Variants in UBR4 observed in about 807,000 individuals in gnomAD.
UBR4 encodes ubiquitin protein ligase E3 component n-recognin 4, also known as E3 ubiquitin-protein ligase UBR4.
UBR4 carries 124 observed loss-of-function variants against 575.6 expected under a neutral mutation model. That is an observed-to-expected ratio of 0.22 (90% CI 0.19 to 0.25). The LOEUF (loss-of-function observed/expected upper bound fraction) is 0.25, where lower values mean the gene tolerates loss of function less well. UBR4 is among the 10% of genes least tolerant of loss of function. UBR4 has a pLI of 1.00. For missense variants in UBR4, 4,818 were observed against 6,478.8 expected (o/e 0.74, Z 8.80); for synonymous variants, 2,455 against 2,473.7 (o/e 0.99, Z 0.22).
chr1:19,104,900 A>G, intron 85 of UBR4, 148 bp downstream of exon 85: 1 of 1,322,516 alleles, frequency 7.6e-7, no homozygotes, highest in Non-Finnish European at 1.0e-6. Flanking sequence ...CATAATAAAT[A>G]CAATGAAGTC....
In UBR4 at chr1:19,145,836, T is replaced by C. The variant is rs139594682; in HGVS notation, c.7902A>G (p.Ala2634=). 3.7e-6 allele frequency: 6 copies of C among 1,614,114 alleles called. No homozygotes were observed. In the African/African-American group the frequency reaches 8.0e-5, roughly 22 times the overall value. ...CCAAGAAGGCATTCTTGGGTTTGGA[T>C]GCATGGAGTTTCCAGAAGTGGTTCA... ...QLVNHFWKLH[A]SKPKNAFLAP... is the part of the protein sequence containing the mutation. Residue 2634 remains alanine (A), a synonymous_variant, in exon 53 of 106, where the codon GCA becomes GCG. Transcript: ENST00000375254.
rs1332988009 is a variant in UBR4, at chr1:19,117,839, G to A, written c.10613C>T (p.Pro3538Leu). The A allele has an allele frequency of 1.1e-5, 18 of 1,614,020 alleles. No homozygotes were observed. The highest frequency in any genetic ancestry group is 1.5e-5 in the Non-Finnish European group (18 of 1,180,016). The change falls in exon 72 of 106, where the codon CCG (proline) becomes CTG (leucine). Residue 3538 changes from proline (P) to leucine (L), a missense_variant. Pro to Leu is a moderately conservative substitution (Grantham distance 98). This residue lies in a region of UBR4 where 550 missense variants were observed against 791.5 expected (regional missense o/e 0.69). Coordinates refer to ENST00000375254, the MANE Select transcript of UBR4 (RefSeq NM_020765.3). This position sits in a 1 kb window ranked among gnomAD's most constrained non-coding sequence, Gnocchi z 4.0. ...GTTACTTACACAGAACGGTACTTCC[G>A]GGTTATTACACACCAGGCAGGGATC... ...ESDPCLVCNN[P>L]EVPFCYIKLS...
At chr1:19,107,179 C>T (rs1447257326) in intron 81 of UBR4, among the ~76,000 whole-genome samples, 6 of 152,174 alleles carry the variant, frequency 3.9e-5, no homozygotes, top group African/African-American at 1.4e-4. Context: ...CTTAAGGTCA[C>T]TCATTTTTAT....
In UBR4 at chr1:19,164,924, C is replaced by T; in HGVS notation, c.4386G>A (p.Val1462=). The T allele has an allele frequency of 6.2e-7, 1 of 1,614,070 alleles. No homozygotes were observed. Among genetic ancestry groups the T allele is most frequent in the Non-Finnish European group, 8.5e-7 (1 of 1,180,022 alleles). ...SLAQLACVEP[V]RLQAWLTRMT... ...TGCGGGTGAGCCAGGCCTGCAGGCGCACAGGTTCCACACAGGCCAGTTGTG... is the reference window on the plus strand; with the variant it reads ...TGCGGGTGAGCCAGGCCTGCAGGCGTACAGGTTCCACACAGGCCAGTTGTG... Residue 1462 remains valine, a synonymous_variant, in exon 32 of 106, where the codon GTG becomes GTA. Coordinates refer to ENST00000375254, the MANE Select transcript of UBR4 (RefSeq NM_020765.3).
chr1:19,097,122 C>A, intron 91 of UBR4, 71 bp downstream of exon 91: 1 of 1,307,112 alleles, frequency 7.7e-7, no homozygotes, highest in Non-Finnish European at 1.0e-6. Flanking sequence ...CTGAGAATGC[C>A]CCTAAGTCCT....
intron 25 of UBR4, among the ~76,000 whole-genome samples, chr1:19,172,512 A>G (rs962556523): frequency 5.9e-5 from 9 of 152,178 alleles, no homozygotes; most frequent in African/African-American, 2.2e-4. Flanking sequence ...GCGAGATGCC[A>G]TCTCAGAAAA....
At chr1:19,114,732 A>T (rs2080295514) in intron 75 of UBR4, 79 bp downstream of exon 75, 1 of 1,537,430 alleles carries the variant, frequency 6.5e-7, no homozygotes, top group Non-Finnish European at 8.8e-7. Context: ...TAGAAAGTAA[A>T]GTGCACTGCA....
intron 41 of UBR4, 74 bp from the exon 42 acceptor site, chr1:19,156,497 C>T (rs2086470417): frequency 3.2e-6 from 5 of 1,539,794 alleles, no homozygotes; most frequent in African/African-American, 1.4e-5. Flanking sequence ...AGAGTAATGA[C>T]GTTCCCTTTT....
chr1:19,148,108 G>A lies in UBR4; in HGVS notation c.7514C>T (p.Ala2505Val), dbSNP rs1462171292. ...IIEKERNKNAAQELATLLLSL... is the reference protein window; with the variant it reads ...IIEKERNKNAVQELATLLLSL... ...CAACAGCAAAGTGGCCAGCTCCTGA[G>A]CAGCATTCTTGTTTCTCTCCTAAGG... The change falls in exon 51 of 106, where the codon GCT becomes GTT. Residue 2505 changes from alanine to valine, a missense_variant. Ala to Val is a moderately conservative substitution (Grantham distance 64, BLOSUM62 0). This residue lies in a region of UBR4 where 340 missense variants were observed against 375.4 expected (regional missense o/e 0.91). Coordinates refer to ENST00000375254, the MANE Select transcript of UBR4 (RefSeq NM_020765.3). 1 of 1,608,686 alleles carries A rather than the reference G, an allele frequency of 6.2e-7. No individual in the cohort carries two copies. Among genetic ancestry groups the A allele is most frequent in the Non-Finnish European group, 8.5e-7 (1 of 1,179,414 alleles).
In UBR4 at chr1:19,163,781, T is replaced by C; in HGVS notation, c.4747A>G (p.Asn1583Asp). ...TTTCTTACCTTTCCATGCATTACAT[T>C]GGCATTCAGTTTTTCAACTACATTC... ...QKNVVEKLNA[N>D]VMHGKHVMIL... The change falls in exon 34 of 106, where the codon AAT (asparagine) becomes GAT (aspartate). Residue 1583 changes from asparagine to aspartate, a missense_variant. Around this residue, in one of 29 missense-constraint regions of UBR4, gnomAD observed 1,172 missense variants for 1,259.7 expected, o/e 0.93. Coordinates refer to ENST00000375254, the MANE Select transcript of UBR4 (RefSeq NM_020765.3). 6.2e-7 allele frequency: 1 copy of C among 1,614,180 alleles called. No homozygotes were observed.
In UBR4 at chr1:19,154,935, G is replaced by C; in HGVS notation, c.6441C>G (p.Phe2147Leu). The C allele has an allele frequency of 6.2e-7, 1 of 1,614,210 alleles. No homozygotes were observed. Among genetic ancestry groups the C allele is most frequent in the Non-Finnish European group, 8.5e-7 (1 of 1,180,022 alleles). Residue 2147 changes from phenylalanine to leucine, a missense_variant, in exon 44 of 106, where the codon TTC (phenylalanine) becomes TTG (leucine). Physicochemically the swap from Phe to Leu is conservative, Grantham distance 22. Around this residue, in one of 29 missense-constraint regions of UBR4, gnomAD observed 461 missense variants for 606.9 expected, o/e 0.76. Coordinates refer to ENST00000375254, the MANE Select transcript of UBR4 (RefSeq NM_020765.3). ...ATTCCCACCTTTTGATGTTGATGGG[G>C]AAGAGTTGCAACACCTCCAGGGTTG... ...SRTTLEVLQL[F>L]PINIKSSNGG...
At chr1:19,083,253 A>T (rs2076696582) in intron 102 of UBR4, among the ~76,000 whole-genome samples, 2 of 152,124 alleles carry the variant, frequency 1.3e-5, no homozygotes, top group South Asian at 4.2e-4. Context: ...ATGCACTCTG[A>T]TGTCAACCTG....
chr1:19,093,043 A>C lies in UBR4; in HGVS notation c.14112-125T>G, dbSNP rs1263626273. 2.1e-6 allele frequency: 2 copies of C among 934,762 alleles called. No homozygotes were observed. The highest frequency in any genetic ancestry group is 3.3e-5 in the South Asian group (2 of 60,528). 57.9% of individuals were successfully genotyped at this position (934,762 alleles called of 1,614,324 possible). ...AACCGTGACCCTCTCCGAGTGTCAT[A>C]AAGAATCACATAGAACCACCCAGCT... On this transcript the variant is annotated intron_variant, in intron 96 of 105. Transcript: ENST00000375254. The surrounding 1 kb of genome is among the most constrained non-coding windows in gnomAD (Gnocchi z 4.8).
In UBR4 at chr1:19,158,116, T is replaced by G. The variant is rs1007831062; in HGVS notation, c.5578-119A>C. The G allele has an allele frequency of 2.7e-6, 3 of 1,117,786 alleles. No individual in the cohort carries two copies. In the Admixed American group the frequency reaches 7.3e-5, roughly 27 times the overall value. 69.2% of individuals were successfully genotyped at this position (1,117,786 alleles called of 1,614,324 possible). A position where few individuals can be genotyped will look rare whatever the true frequency, so the allele number is the denominator to read the frequency against. ...ATTCAGTCATTCAAAAGCAGTGATT[T>G]CGGCCTCCAAACCGTGGATGGCTGT... On this transcript the variant is annotated intron_variant, in intron 39 of 105. Transcript: ENST00000375254.
At chr1:19,187,399 C>A in intron 12 of UBR4, 42 bp downstream of exon 12, 1 of 1,611,746 alleles carries the variant, frequency 6.2e-7, no homozygotes, top group Non-Finnish European at 8.5e-7. Flanking sequence ...GAAGTGGATC[C>A]CGCAATCAAT....
At chr1:19,116,920 A>G (rs968662925) in intron 73 of UBR4, among the ~76,000 whole-genome samples, 1 of 152,130 alleles carries the variant, frequency 6.6e-6, no homozygotes, top group Non-Finnish European at 1.5e-5. Context: ...TTTGTGTAAG[A>G]ATAGTTAAAA....
chr1:19,165,115 T>TC, intron 31 of UBR4, 118 bp from the exon 32 acceptor site: 1 of 1,507,360 alleles, frequency 6.6e-7, no homozygotes, highest in Non-Finnish European at 9.1e-7. Context: ...TCAACTTCCT[T>TC]CCAAACTTTC....
Position 19,155,444 on chromosome 1 carries a change from C to T in UBR4, c.6297G>A (p.Leu2099=). The change falls in exon 43 of 106, where the codon CTG becomes CTA. Residue 2099 remains leucine, a synonymous_variant. Transcript: ENST00000375254. ...AAATAGCAACATGTGCTCTAACCTTCAGGTCCTCATGATTGATTTCCAACA... is the reference window on the plus strand; with the variant it reads ...AAATAGCAACATGTGCTCTAACCTTTAGGTCCTCATGATTGATTTCCAACA... ...TNVLEINHED[L]KDSNSQVAGG... is the part of the protein sequence containing the mutation. The T allele has an allele frequency of 3.7e-6, 6 of 1,613,866 alleles. No homozygotes were observed. Among genetic ancestry groups the T allele is most frequent in the Non-Finnish European group, 5.1e-6 (6 of 1,179,884 alleles).
Position 19,155,496 on chromosome 1 carries a change from T to G in UBR4, c.6245A>C (p.Gln2082Pro). 1.2e-6 allele frequency: 2 copies of G among 1,614,206 alleles called. No individual in the cohort carries two copies. The change falls in exon 43 of 106, where the codon CAG becomes CCG. Residue 2082 changes from glutamine (Q) to proline (P), a missense_variant. By Grantham distance (76) the Gln-to-Pro change is moderately conservative. This residue lies in a region of UBR4 where 461 missense variants were observed against 606.9 expected (regional missense o/e 0.76). Transcript: ENST00000375254. Reference sequence around the variant, plus strand: ...ATTAGTGACATAGAAGGGTCCCTGCTGGGCACTGCTGGCCTCTTCCATAAG... The same window carrying G: ...ATTAGTGACATAGAAGGGTCCCTGCGGGGCACTGCTGGCCTCTTCCATAAG... ...TQLMEEASSA[Q>P]QGPFYVTNVL...
Sources: gnomAD v4.1 joint callset for allele counts (sites outside exome capture counted in the v4.1 genomes callset) on GRCh38, gnomAD v4.1.1 for gene constraint, gnomAD v4.1.1 regional missense constraint, Gnocchi (gnomAD v3.1) non-coding constraint, MANE v1.5 for transcripts, NCBI Gene and HGNC (gene_info 2026-07-23, HGNC 2026-07-21) for gene names.